MYO7A: variants seen among roughly 807,000 people sequenced by gnomAD.
MYO7A encodes myosin VIIA.
Under a neutral mutation model 263.8 loss-of-function variants are expected in MYO7A, and 210 were observed. The ratio of observed to expected loss-of-function variants is 0.80; its 90% CI spans 0.71 to 0.89. MYO7A has a LOEUF of 0.89. Among genes scored for constraint, MYO7A ranks in the 40% least tolerant of loss-of-function variants. The pLI is 0.00. For synonymous variants in MYO7A, 1,239 were observed against 1,197.3 expected (o/e 1.03, Z -0.72); for missense variants, 2,820 against 2,968.3 (o/e 0.95, Z 1.16).
chr11:77,172,524 G>A (rs1261593367), intron 15 of MYO7A, among the ~76,000 whole-genome samples: 2 of 152,196 alleles, frequency 1.3e-5, no homozygotes, highest in Admixed American at 1.3e-4. Flanking sequence ...TCGCCCAGAG[G>A]TGGTAACTTT....
At chr11:77,205,216 C>A (rs1449502347) in intron 39 of MYO7A, among the ~76,000 whole-genome samples, 1 of 152,210 alleles carries the variant, frequency 6.6e-6, no homozygotes, top group Non-Finnish European at 1.5e-5. Flanking sequence ...TCCACGTGGA[C>A]TGGTAGCAGT....
chr11:77,205,724 C>T (rs1038896604), intron 40 of MYO7A, 107 bp downstream of exon 40: 6 of 1,456,604 alleles, frequency 4.1e-6, no homozygotes, highest in Middle Eastern at 1.9e-4. Flanking sequence ...CAGTTGGGCC[C>T]ACCCCTGGGG....
chr11:77,159,180 G>A (rs1555066577), intron 9 of MYO7A, among the ~76,000 whole-genome samples: 2 of 152,202 alleles, frequency 1.3e-5, no homozygotes, highest in East Asian at 3.8e-4. Context: ...GAGCTGCAAT[G>A]GCCAGTGTCT....
intron 38 of MYO7A, among the ~76,000 whole-genome samples, chr11:77,203,445 A>G (rs888243243): frequency 6.6e-6 from 1 of 152,194 alleles, no homozygotes; most frequent in Non-Finnish European, 1.5e-5. Context: ...GTGCTGGGCC[A>G]GGCATGCAGG....
intron 32 of MYO7A, among the ~76,000 whole-genome samples, chr11:77,197,104 C>G (rs983580198): frequency 6.6e-6 from 1 of 152,220 alleles, no homozygotes; most frequent in Non-Finnish European, 1.5e-5. Flanking sequence ...TCCCCGTCTG[C>G]CCTGCCCACG....
rs782536503 is a variant in MYO7A at position 77,138,587 on chromosome 11, G to A, written c.19-4122G>A. The stretch of plus-strand genomic sequence containing the variant: ...CCTGCGGTCTCTGACCTCCCCCAGT[G>A]TGAACTTGGCCGCGGCTGCCCTTTC... On this transcript the variant is annotated intron_variant, in intron 2 of 48. Coordinates refer to ENST00000409709, the MANE Select transcript of MYO7A (RefSeq NM_000260.4). This position sits in a 1 kb window ranked among gnomAD's most constrained non-coding sequence, Gnocchi z 4.9. Among the ~76,000 whole-genome samples, 1 of 152,338 alleles carries A rather than the reference G, an allele frequency of 6.6e-6. No homozygotes were observed. Among genetic ancestry groups the A allele is most frequent in the African/African-American group, 2.4e-5 (1 of 41,586 alleles).
rs1555069343 is a variant in MYO7A at position 77,162,174 on chromosome 11, G to A, written c.1398G>A (p.Val466=). The change falls in exon 13 of 49, where the codon GTG becomes GTA. Residue 466 remains valine (V), a synonymous_variant. Coordinates refer to ENST00000409709, the MANE Select transcript of MYO7A (RefSeq NM_000260.4). ...FANEHLQQFF[V]RHVFKLEQEE... ...ATGAGCACCTGCAGCAGTTCTTTGTGCGGCACGTGTTCAAGCTGGAGCAGG... is the reference window on the plus strand; with the variant it reads ...ATGAGCACCTGCAGCAGTTCTTTGTACGGCACGTGTTCAAGCTGGAGCAGG... 7 of 1,602,904 alleles carry A rather than the reference G, an allele frequency of 4.4e-6. No individual in the cohort carries two copies. The highest frequency in any genetic ancestry group is 6.0e-6 in the Non-Finnish European group (7 of 1,174,714).
In MYO7A at chr11:77,194,353, G is replaced by T; in HGVS notation, c.4153-1G>T. On this transcript the variant is annotated splice_acceptor_variant, in intron 31 of 48. Transcript: ENST00000409709. LOFTEE classifies it high-confidence loss of function. Reference sequence around the variant, plus strand: ...CATGACCGAGGCCTCCCCCCACCTAGGAGGACGACCTGGCTGAGCTGGCCT... The same window carrying T: ...CATGACCGAGGCCTCCCCCCACCTATGAGGACGACCTGGCTGAGCTGGCCT... 6.2e-7 allele frequency: 1 copy of T among 1,610,784 alleles called. No homozygotes were observed. Among genetic ancestry groups the T allele is most frequent in the Non-Finnish European group, 8.5e-7 (1 of 1,178,578 alleles).
At chr11:77,214,197 G>A (rs1172753364) in intron 48 of MYO7A, among the ~76,000 whole-genome samples, 1 of 152,236 alleles carries the variant, frequency 6.6e-6, no homozygotes, top group Non-Finnish European at 1.5e-5. Flanking sequence ...TTCAACAACT[G>A]TTGTCTGAGT....
chr11:77,211,756 C>A, intron 45 of MYO7A, 65 bp from the exon 46 acceptor site: 1 of 1,304,636 alleles, frequency 7.7e-7, no homozygotes, highest in African/African-American at 1.5e-5. Context: ...GAGCTCTGAG[C>A]TGGCCTGCCC....
At chr11:77,130,716 T>C in intron 2 of MYO7A, 64 bp downstream of exon 2, 1 of 1,573,298 alleles carries the variant, frequency 6.4e-7, no homozygotes, top group Middle Eastern at 1.7e-4. Flanking sequence ...ATCCATATGC[T>C]TACCCGTGGG....
rs886048680 is a variant in MYO7A at position 77,202,344 on chromosome 11, G to A, written c.5088G>A (p.Arg1696=). The A allele has an allele frequency of 1.1e-5, 17 of 1,578,540 alleles. No individual in the cohort carries two copies. Among genetic ancestry groups the A allele is most frequent in the African/African-American group, 5.4e-5 (4 of 74,194 alleles). ...MTPDQRQDVV[R]LLQLRTAEPE... ...CCGATCAGAGGCAGGACGTTGTCCG[G>A]CTCTTGCAGCTGCGAACGGCGGAGC... Residue 1696 remains arginine (R), a synonymous_variant, in exon 37 of 49, where the codon CGG becomes CGA. Coordinates refer to ENST00000409709, the MANE Select transcript of MYO7A (RefSeq NM_000260.4).
Position 77,184,712 on chromosome 11 carries a change from T to A in MYO7A, c.3500T>A (p.Leu1167His), listed in dbSNP as rs1555087322. 6.4e-7 allele frequency: 1 copy of A among 1,565,766 alleles called. No homozygotes were observed. The highest frequency in any genetic ancestry group is 1.5e-5 in the African/African-American group (1 of 67,058). Reference sequence around the variant, plus strand: ...GGCAATGGCATCCTGCGGCCAGCACTCCGGTCAGTGCCGGGAGGCGGGGAC... The same window carrying A: ...GGCAATGGCATCCTGCGGCCAGCACACCGGTCAGTGCCGGGAGGCGGGGAC... ...IIGNGILRPA[L>H]RDEIYCQISK... The change falls in exon 27 of 49, where the codon CTC becomes CAC. Residue 1167 changes from leucine (L) to histidine (H), a missense_variant. Coordinates refer to ENST00000409709, the MANE Select transcript of MYO7A (RefSeq NM_000260.4).
At chr11:77,197,406 GGCA>G in intron 32 of MYO7A, 72 bp from the exon 33 acceptor site, 1 of 1,195,944 alleles carries the variant, frequency 8.4e-7, no homozygotes, top group East Asian at 2.6e-5. Flanking sequence ...CTGGCTAGAA[GGCA>G]GCAGCAGCTG....
chr11:77,208,945 G>A (rs1957673832), intron 44 of MYO7A, 142 bp downstream of exon 44: 7 of 677,354 alleles, frequency 1.0e-5, no homozygotes, highest in Non-Finnish European at 1.3e-5. Flanking sequence ...AAGACCACTG[G>A]AGCCCCAAGG....
At chr11:77,128,673 T>G (rs1950677855) in intron 1 of MYO7A, among the ~76,000 whole-genome samples, 184 bp downstream of exon 1, 2 of 152,116 alleles carry the variant, frequency 1.3e-5, no homozygotes, top group South Asian at 4.1e-4. Context: ...CCTGGGAAGA[T>G]GGATGTGTGT....
rs1336095094 is a variant in MYO7A at position 77,211,245 on chromosome 11, G to T, written c.6145G>T (p.Asp2049Tyr). Residue 2049 changes from aspartate (D) to tyrosine (Y), a missense_variant, in exon 45 of 49, where the codon GAC becomes TAC. By Grantham distance (160) the Asp-to-Tyr change is radical (BLOSUM62 -3). Coordinates refer to ENST00000409709, the MANE Select transcript of MYO7A (RefSeq NM_000260.4). ...ALIYRVKFEE[D>Y]KSYFPSIPKL... ...GATCTACAGGGTCAAGTTCGAGGAG[G>T]ACAAGTCCTACTTCCCCAGCATCCC... The T allele has an allele frequency of 6.3e-7, 1 of 1,584,768 alleles. No individual in the cohort carries two copies. The highest frequency in any genetic ancestry group is 1.7e-4 in the Middle Eastern group (1 of 6,022).
intron 18 of MYO7A, 60 bp downstream of exon 18, chr11:77,175,524 G>T (rs1479795884): frequency 1.9e-5 from 28 of 1,498,496 alleles, no homozygotes; most frequent in African/African-American, 1.4e-4. Flanking sequence ...CATGATGTGG[G>T]CTGGGGTGCT....
intron 40 of MYO7A, 127 bp from the exon 41 acceptor site, chr11:77,205,970 G>A (rs1565476673): frequency 5.3e-6 from 4 of 761,744 alleles, no homozygotes; most frequent in Non-Finnish European, 8.9e-6. Context: ...GAGACTCAGT[G>A]GCCGGTCACA....
Sources: gnomAD v4.1 joint callset for allele counts (sites outside exome capture counted in the v4.1 genomes callset) on GRCh38, gnomAD v4.1.1 for gene constraint, Gnocchi (gnomAD v3.1) non-coding constraint, MANE v1.5 for transcripts, NCBI Gene and HGNC (gene_info 2026-07-23, HGNC 2026-07-21) for gene names.